ZDHHC15: variants seen among roughly 807,000 people sequenced by gnomAD.
ZDHHC15 encodes the protein palmitoyltransferase ZDHHC15.
ZDHHC15 carries 19 observed loss-of-function variants against 31.7 expected under a neutral mutation model. The observed-to-expected ratio is 0.60, with a 90% CI of 0.42 to 0.88. The LOEUF is 0.88. ZDHHC15 is among the 40% of genes least tolerant of loss of function. The probability of loss-of-function intolerance (pLI) is 0.00; values close to 1 mark genes in which losing one functional copy is unlikely to be tolerated. For missense variants in ZDHHC15, 209 were observed against 251.2 expected (o/e 0.83, Z 1.14); for synonymous variants, 103 against 90.0 (o/e 1.14, Z -0.82).
At chrX:75,442,131 T>C (rs754207111) in intron 4 of ZDHHC15, among the ~76,000 whole-genome samples, 75 of 112,262 alleles carry the variant, frequency 6.7e-4, no homozygotes, top group Middle Eastern at 4.6e-3. Flanking sequence ...AGTGTCTTTG[T>C]GAGAGTTTTT....
At chrX:75,437,380 C>T (rs1342712476) in intron 4 of ZDHHC15, among the ~76,000 whole-genome samples, 1 of 95,684 alleles carries the variant, frequency 1.0e-5, no homozygotes, top group East Asian at 3.5e-4. Context: ...TGGTGTGCTG[C>T]ACCCACTAAC....
At chrX:75,428,509 C>A (rs766979690) in intron 7 of ZDHHC15, among the ~76,000 whole-genome samples, 3 of 110,969 alleles carry the variant, frequency 2.7e-5, no homozygotes, top group South Asian at 7.6e-4. Flanking sequence ...GGTAAGAGAT[C>A]CAGTATTAGA....
intron 2 of ZDHHC15, among the ~76,000 whole-genome samples, chrX:75,482,360 A>G (rs756730797): frequency 8.9e-6 from 1 of 112,061 alleles, no homozygotes; most frequent in African/African-American, 3.2e-5. Context: ...GTTGCATCCA[A>G]TGTTTAGCTG....
At chrX:75,399,088 G>A (rs972973803) in intron 10 of ZDHHC15, among the ~76,000 whole-genome samples, 41 of 111,585 alleles carry the variant, frequency 3.7e-4, no homozygotes, top group African/African-American at 1.3e-3. Flanking sequence ...GAGGTGATTA[G>A]GATCTGGAGT....
chrX:75,513,500 G>A (rs896475803), intron 1 of ZDHHC15, among the ~76,000 whole-genome samples: 7 of 111,230 alleles, frequency 6.3e-5, no homozygotes. Context: ...AGAGGATACT[G>A]TGACATTTTA....
At chrX:75,448,791 T>C (rs2084068973) in intron 4 of ZDHHC15, among the ~76,000 whole-genome samples, 1 of 110,854 alleles carries the variant, frequency 9.0e-6, no homozygotes. Context: ...ATTTTGTGTG[T>C]CAACTTTACT....
At chrX:75,487,465 T>A (rs1395299713) in intron 2 of ZDHHC15, among the ~76,000 whole-genome samples, 1 of 111,751 alleles carries the variant, frequency 8.9e-6, no homozygotes, top group Non-Finnish European at 1.9e-5. Context: ...GGAAGCTGTA[T>A]CCCTGGAGAA....
At chrX:75,474,444 T>C (rs1251109318) in intron 3 of ZDHHC15, among the ~76,000 whole-genome samples, 1 of 42,656 alleles carries the variant, frequency 2.3e-5, no homozygotes, top group African/African-American at 5.8e-5. Flanking sequence ...TATATATATA[T>C]ATATACACAC....
At chrX:75,486,883 A>G (rs1243609122) in intron 2 of ZDHHC15, among the ~76,000 whole-genome samples, 1 of 111,203 alleles carries the variant, frequency 9.0e-6, no homozygotes, top group Non-Finnish European at 1.9e-5. Context: ...CCTTGCCCCC[A>G]CATGCTGGTT....
At chrX:75,469,133 T>C (rs770725472) in intron 3 of ZDHHC15, among the ~76,000 whole-genome samples, 4 of 111,683 alleles carry the variant, frequency 3.6e-5, no homozygotes, top group Non-Finnish European at 7.5e-5. Flanking sequence ...TATCAAAGAA[T>C]TCATTGCCAA....
intron 2 of ZDHHC15, among the ~76,000 whole-genome samples, chrX:75,484,898 C>G (rs1466925333): frequency 2.7e-5 from 3 of 112,180 alleles, no homozygotes; most frequent in Non-Finnish European, 5.6e-5. Context: ...AAACAAGTTA[C>G]TTCATACACA....
chrX:75,518,735 A>AATGGCC (rs1185780322), intron 1 of ZDHHC15, among the ~76,000 whole-genome samples: 1 of 90,883 alleles, frequency 1.1e-5, no homozygotes, highest in Non-Finnish European at 2.1e-5. Context: ...AAATAGCCCA[A>AATGGCC]ATGGCCATTA....
chrX:75,389,626 A>G (rs953274082), intron 10 of ZDHHC15, among the ~76,000 whole-genome samples: 4 of 110,792 alleles, frequency 3.6e-5, no homozygotes, highest in Non-Finnish European at 7.6e-5. Flanking sequence ...AACATGCTGT[A>G]TTAAAGTGAA....
chrX:75,417,341 T>G, intron 9 of ZDHHC15, 151 bp from the exon 10 acceptor site: 2 of 376,889 alleles, frequency 5.3e-6, no homozygotes, highest in Non-Finnish European at 9.4e-6. Context: ...ATAGCATTAT[T>G]TAGTTGCTAT....
intron 3 of ZDHHC15, among the ~76,000 whole-genome samples, chrX:75,468,244 C>A (rs2084444627): frequency 9.1e-6 from 1 of 110,159 alleles, no homozygotes; most frequent in Non-Finnish European, 1.9e-5. Context: ...GGGGTTTCTC[C>A]AAGTTGGTCA....
At chrX:75,454,644 T>C (rs768131667) in intron 3 of ZDHHC15, among the ~76,000 whole-genome samples, 43 of 111,822 alleles carry the variant, frequency 3.8e-4, no homozygotes, top group Non-Finnish European at 7.5e-4. Context: ...TGTGAGATGG[T>C]ATCTCATTGT....
intron 10 of ZDHHC15, among the ~76,000 whole-genome samples, chrX:75,401,863 C>T (rs2083362258): frequency 8.9e-6 from 1 of 111,777 alleles, no homozygotes; most frequent in Non-Finnish European, 1.9e-5. Flanking sequence ...CATTCAGGAC[C>T]TAAACTCAGC....
rs1013761134 is a variant in ZDHHC15 at position 75,380,802 on chromosome X, C to T, written c.968-1604G>A. On this transcript the variant is annotated intron_variant, in intron 10 of 11. Coordinates refer to ENST00000373367, the MANE Select transcript of ZDHHC15 (RefSeq NM_144969.3). The stretch of plus-strand genomic sequence containing the variant: ...TGCTGCCTATGTAGTAGTGATTTCA[C>T]TTACTCAATATATGTCTACTTGAAC... 1.8e-5 allele frequency among the ~76,000 whole-genome samples: 2 copies of T among 111,551 alleles called. 1 individual carries two copies. Among genetic ancestry groups the T allele is most frequent in the South Asian group, 7.5e-4 (2 of 2,651 alleles).
chrX:75,451,948 C>T (rs1164396459), intron 3 of ZDHHC15, among the ~76,000 whole-genome samples: 1 of 111,318 alleles, frequency 9.0e-6, no homozygotes, highest in South Asian at 3.8e-4. Flanking sequence ...TAAAGACCAT[C>T]GATGCTAGGA....
Sources: allele counts gnomAD v4.1 joint callset (sites outside exome capture counted in the v4.1 genomes callset), GRCh38; gene constraint gnomAD v4.1.1; transcripts MANE v1.5; gene names NCBI Gene and HGNC (gene_info 2026-07-23, HGNC 2026-07-21).